Variants in ADAM17 observed in about 807,000 individuals in gnomAD.
The protein encoded by ADAM17 is ADAM metallopeptidase domain 17.
ADAM17 carries 39 observed loss-of-function variants against 96.7 expected under a neutral mutation model. The ratio of observed to expected loss-of-function variants is 0.40; its 90% CI spans 0.31 to 0.53. The LOEUF (loss-of-function observed/expected upper bound fraction) is 0.53, where lower values mean the gene tolerates loss of function less well. Among genes scored for constraint, ADAM17 ranks in the 20% least tolerant of loss-of-function variants. The pLI is 0.44. For missense variants in ADAM17, 777 were observed against 1,013.2 expected (o/e 0.77, Z 3.17); for synonymous variants, 344 against 359.2 (o/e 0.96, Z 0.48).
intron 1 of ADAM17, among the ~76,000 whole-genome samples, chr2:9,554,542 C>T (rs1212546444): frequency 6.6e-6 from 1 of 152,200 alleles, no homozygotes; most frequent in African/African-American, 2.4e-5. Context: ...AAATACTACA[C>T]ATGGTATCAT....
intron 7 of ADAM17, 176 bp from the exon 8 acceptor site, chr2:9,521,492 A>C (rs1220352098): frequency 1.4e-5 from 5 of 366,988 alleles, no homozygotes; most frequent in Non-Finnish European, 2.5e-5. Flanking sequence ...ACAGAGAAGC[A>C]TATGGTATGG....
At position 9,520,964 on chromosome 2, in the gene ADAM17, C is replaced by CAAAAAAAAA. The variant is rs55909096; in HGVS notation, c.957+230_957+238dup. On this transcript the variant is annotated intron_variant, in intron 8 of 18. Transcript: ENST00000310823. ...GGGCAACAAGAGTGAAACTCTGTCT[C>CAAAAAAAAA]AAAAAAAAAAAAAAAAAAAAAAGGA... is the stretch of plus-strand genomic sequence containing the variant. Among the ~76,000 whole-genome samples, 83 of 26,280 alleles carry CAAAAAAAAA rather than the reference C, an allele frequency of 3.2e-3. 3 individuals are homozygous for CAAAAAAAAA. Among genetic ancestry groups the CAAAAAAAAA allele is most frequent in the African/African-American group, 3.5e-3 (28 of 8,074 alleles). 17.2% of individuals were successfully genotyped at this position (26,280 alleles called of 152,430 possible). A position where few individuals can be genotyped will look rare whatever the true frequency, so the allele number is the denominator to read the frequency against.
In ADAM17 at chr2:9,536,758, C is replaced by T. The variant is rs780467691; in HGVS notation, c.301G>A (p.Gly101Ser). The change falls in exon 3 of 19, where the codon GGT (glycine) becomes AGT (serine). Residue 101 changes from glycine (G) to serine (S), a missense_variant. By Grantham distance (56) the Gly-to-Ser change is moderately conservative. This residue lies in a region of ADAM17 where 134 missense variants were observed against 129.1 expected (regional missense o/e 1.04). Coordinates refer to ENST00000310823, the MANE Select transcript of ADAM17 (RefSeq NM_003183.6). ...ACAGTGTACTCGCTTTCGTTTTTAC[C>T]ATCCACCACCACGACCTTGAAATTT... ...SQNFKVVVVD[G>S]KNESEYTVKW... 2.7e-5 allele frequency: 44 copies of T among 1,613,970 alleles called. 1 individual carries two copies. In the South Asian group the frequency reaches 3.8e-4, roughly 14 times the overall value.
chr2:9,509,145 T>C (rs771179121), intron 11 of ADAM17, among the ~76,000 whole-genome samples: 9 of 152,224 alleles, frequency 5.9e-5, no homozygotes, highest in Non-Finnish European at 1.3e-4. Context: ...AAGCTCAAAA[T>C]AGGAGTCAGG....
intron 1 of ADAM17, among the ~76,000 whole-genome samples, chr2:9,545,092 T>C (rs1665357472): frequency 6.6e-6 from 1 of 152,224 alleles, no homozygotes; most frequent in African/African-American, 2.4e-5. Context: ...GTCAATAATA[T>C]AGCCCAGTAG....
chr2:9,514,508 T>A (rs1307562570), intron 10 of ADAM17, among the ~76,000 whole-genome samples: 1 of 109,210 alleles, frequency 9.2e-6, no homozygotes, highest in South Asian at 3.3e-4. Flanking sequence ...GAACTTAAAT[T>A]TAAAATATAA....
intron 11 of ADAM17, 95 bp from the exon 12 acceptor site, chr2:9,505,460 G>A: frequency 7.7e-7 from 1 of 1,306,598 alleles, no homozygotes; most frequent in Non-Finnish European, 1.1e-6. Context: ...AACTCTTAAT[G>A]TAAAACCACC....
At chr2:9,495,730 C>T (rs377165090) in intron 14 of ADAM17, among the ~76,000 whole-genome samples, 2 of 149,290 alleles carry the variant, frequency 1.3e-5, no homozygotes, top group African/African-American at 2.5e-5. Flanking sequence ...AAAAAGAAAA[C>T]CTTTTCATCA....
At chr2:9,522,453 G>T in intron 7 of ADAM17, 1 of 600,770 alleles carries the variant, frequency 1.7e-6, no homozygotes, top group South Asian at 2.0e-5. Context: ...AAAAGAAAAT[G>T]CGTAACAGTG....
At chr2:9,544,585 T>A (rs987164191) in intron 1 of ADAM17, among the ~76,000 whole-genome samples, 3 of 151,288 alleles carry the variant, frequency 2.0e-5, no homozygotes. Flanking sequence ...CCCAGCACTT[T>A]GGGAGGCCAA....
chr2:9,502,860 CAA>C (rs1483337553), intron 12 of ADAM17, among the ~76,000 whole-genome samples: 1 of 93,612 alleles, frequency 1.1e-5, no homozygotes, highest in East Asian at 3.0e-4. Flanking sequence ...GCCTAGGCAA[CAA>C]GAGAGAAATT....
Position 9,493,647 on chromosome 2 carries a change from T to C in ADAM17, c.1993+100A>G, listed in dbSNP as rs866241771. ...TAAAGCTGTGAATAGTTCCACCTTC[T>C]ACTGCAGAATTAAAGCACATCACTC... On this transcript the variant is annotated intron_variant, in intron 16 of 18. Transcript: ENST00000310823. 4.4e-5 allele frequency: 43 copies of C among 978,318 alleles called. No individual in the cohort carries two copies. In the Middle Eastern group the frequency reaches 2.7e-3, roughly 62 times the overall value. The allele number at this position is 978,318 out of a possible 1,614,324, so 60.6% of individuals were successfully genotyped here. A position where few individuals can be genotyped will look rare whatever the true frequency, so the allele number is the denominator to read the frequency against.
intron 11 of ADAM17, among the ~76,000 whole-genome samples, chr2:9,507,887 A>G (rs1357116855): frequency 3.3e-5 from 5 of 151,862 alleles, no homozygotes; most frequent in Non-Finnish European, 4.4e-5. Flanking sequence ...TAATTTTTGT[A>G]TTTTCTGTAG....
chr2:9,509,061 T>G (rs1410662185), intron 11 of ADAM17, among the ~76,000 whole-genome samples: 1 of 151,714 alleles, frequency 6.6e-6, no homozygotes, highest in Non-Finnish European at 1.5e-5. Context: ...GAAAGCAGGG[T>G]GTCAGAGCCA....
intron 3 of ADAM17, 80 bp downstream of exon 3, chr2:9,536,616 CCA>C: frequency 6.4e-7 from 1 of 1,572,854 alleles, no homozygotes; most frequent in Non-Finnish European, 8.6e-7. Context: ...CTATCCTGCA[CCA>C]GAAAAGAATA....
chr2:9,498,903 TATC>T (rs1200089415), intron 13 of ADAM17, among the ~76,000 whole-genome samples: 16 of 152,134 alleles, frequency 1.1e-4, no homozygotes, highest in African/African-American at 2.9e-4. Context: ...CTGAAAATGG[TATC>T]ATCTATCTAG....
chr2:9,540,679 T>C (rs1256297676), intron 2 of ADAM17, among the ~76,000 whole-genome samples: 2 of 152,170 alleles, frequency 1.3e-5, no homozygotes, highest in Non-Finnish European at 2.9e-5. Context: ...CCAATCTCCT[T>C]AATATACTAA....
intron 4 of ADAM17, among the ~76,000 whole-genome samples, chr2:9,533,392 C>T (rs1412222745): frequency 6.6e-6 from 1 of 151,716 alleles, no homozygotes; most frequent in Non-Finnish European, 1.5e-5. Context: ...ACCAAAAATA[C>T]AAAAATTAGC....
chr2:9,533,952 A>G (rs1664853998), intron 4 of ADAM17, among the ~76,000 whole-genome samples: 1 of 152,188 alleles, frequency 6.6e-6, no homozygotes, highest in African/African-American at 2.4e-5. Flanking sequence ...AGAGCTTCCT[A>G]CAGTTTCTTC....
Sources: allele counts gnomAD v4.1 joint callset (sites outside exome capture counted in the v4.1 genomes callset), GRCh38; gene constraint gnomAD v4.1.1; regional missense constraint gnomAD v4.1.1; transcripts MANE v1.5; gene names NCBI Gene and HGNC (gene_info 2026-07-23, HGNC 2026-07-21).